Variants in TMEM268 observed in about 807,000 individuals in gnomAD.
TMEM268 encodes transmembrane protein 268.
A neutral mutation model predicts 39.1 loss-of-function variants in TMEM268; 24 were observed. The ratio of observed to expected loss-of-function variants is 0.61; its 90% CI spans 0.44 to 0.86. The LOEUF (loss-of-function observed/expected upper bound fraction) is 0.86, where lower values mean the gene tolerates loss of function less well. Among genes scored for constraint, TMEM268 ranks in the 40% least tolerant of loss-of-function variants. TMEM268 has a pLI of 0.00. For missense variants in TMEM268, 409 were observed against 428.6 expected (o/e 0.95, Z 0.40); for synonymous variants, 176 against 173.5 (o/e 1.01, Z -0.12).
intron 8 of TMEM268, among the ~76,000 whole-genome samples, chr9:114,639,829 T>TC (rs1311834859): frequency 6.7e-6 from 1 of 148,518 alleles, no homozygotes; most frequent in African/African-American, 2.5e-5. Context: ...AGTTGATCCT[T>TC]CCGCCTCAGC....
intron 5 of TMEM268, among the ~76,000 whole-genome samples, chr9:114,632,752 T>C (rs1438880455): frequency 2.6e-5 from 4 of 152,218 alleles, no homozygotes; most frequent in East Asian, 1.9e-4. Context: ...AAATATCTTA[T>C]GAACCTTGAC....
chr9:114,624,487 C>A, intron 3 of TMEM268, 28 bp downstream of exon 3: 1 of 1,551,896 alleles, frequency 6.4e-7, no homozygotes, highest in South Asian at 1.2e-5. Flanking sequence ...TGAATCCCTA[C>A]CATTTTCTCT....
Position 114,643,207 on chromosome 9 carries a change from A to G in TMEM268, c.923A>G (p.Gln308Arg), listed in dbSNP as rs755531107. The G allele has an allele frequency of 1.9e-6, 3 of 1,614,120 alleles. No individual in the cohort carries two copies. In the South Asian group the frequency reaches 3.3e-5, roughly 18 times the overall value. ...IRLLVTSQLP[Q>R]AMGTRHTNSP... ...CTTCTAGTGACCTCCCAGCTCCCTC[A>G]GGCAATGGGGACACGACACACGAAC... Residue 308 changes from glutamine to arginine, a missense_variant, in exon 9 of 9, where the codon CAG (glutamine) becomes CGG (arginine). Physicochemically the swap from Gln to Arg is conservative, Grantham distance 43 (BLOSUM62 1). Coordinates refer to ENST00000288502, the MANE Select transcript of TMEM268 (RefSeq NM_153045.4).
chr9:114,612,052 CT>C, intron 1 of TMEM268, among the ~76,000 whole-genome samples: 1 of 152,206 alleles, frequency 6.6e-6, no homozygotes. Context: ...AAATGGAGAG[CT>C]CGGACTCATT....
chr9:114,609,081 G>A (rs543108023), upstream of TMEM268, among the ~76,000 whole-genome samples: 8 of 152,264 alleles, frequency 5.3e-5, no homozygotes, highest in African/African-American at 1.2e-4. Context: ...AGGCCAAGGC[G>A]GGTGGATCAC....
rs1589361179 is a variant in TMEM268, at chr9:114,638,797, G to A, written c.849+71G>A. 2.4e-6 allele frequency: 3 copies of A among 1,229,572 alleles called. No individual in the cohort carries two copies. The East Asian group carries it at 8.6e-5, about 35-fold the overall frequency. 76.2% of individuals were successfully genotyped at this position (1,229,572 alleles called of 1,614,324 possible). A position where few individuals can be genotyped will look rare whatever the true frequency, so the allele number is the denominator to read the frequency against. ...TTTGCATAGAGAAAGCCTATGTGGG[G>A]GCTTCTTAGATTCCCCAAGACATGC... On this transcript the variant is annotated intron_variant, in intron 8 of 8. Transcript: ENST00000288502.
At chr9:114,624,515 CTATCTTTT>C in intron 3 of TMEM268, 56 bp downstream of exon 3, 1 of 1,540,152 alleles carries the variant, frequency 6.5e-7, no homozygotes, top group Non-Finnish European at 8.8e-7. Flanking sequence ...ATTCATCCCT[CTATCTTTT>C]CATCCAGTTT....
Position 114,611,359 on chromosome 9 carries a change from C to A in TMEM268, c.-284C>A, listed in dbSNP as rs1470025304. 6.6e-6 allele frequency: 1 copy of A among 152,050 alleles called. No homozygotes were observed. Among genetic ancestry groups the A allele is most frequent in the African/African-American group, 2.4e-5 (1 of 41,366 alleles). The allele number at this position is 152,050 out of a possible 1,614,324, so 9.4% of individuals were successfully genotyped here. ...GGCGCGTTCCCTCTTGGCCCCAAAG[C>A]GAGTCCGGCGGGCGGCTCCTCGGGG... On this transcript the variant is annotated 5_prime_UTR_variant, in exon 1 of 9. Coordinates refer to ENST00000288502, the MANE Select transcript of TMEM268 (RefSeq NM_153045.4).
rs755179247 is a variant in TMEM268, at chr9:114,636,999, G to T, written c.595G>T (p.Val199Phe). 1 of 1,613,144 alleles carries T rather than the reference G, an allele frequency of 6.2e-7. No individual in the cohort carries two copies. Among genetic ancestry groups the T allele is most frequent in the African/African-American group, 1.3e-5 (1 of 74,918 alleles). Residue 199 changes from valine (V) to phenylalanine (F), a missense_variant, in exon 7 of 9, where the codon GTC (valine) becomes TTC (phenylalanine). Coordinates refer to ENST00000288502, the MANE Select transcript of TMEM268 (RefSeq NM_153045.4). ...GCQSVIQLWF[V>F]YFDLENCVQF... ...CTGCTTCTCCCCACAGCTTTGGTTTGTCTACTTCGACCTGGAGAACTGTGT... is the reference window on the plus strand; with the variant it reads ...CTGCTTCTCCCCACAGCTTTGGTTTTTCTACTTCGACCTGGAGAACTGTGT...
At chr9:114,612,589 G>T (rs904384513) in intron 1 of TMEM268, among the ~76,000 whole-genome samples, 2 of 152,218 alleles carry the variant, frequency 1.3e-5, no homozygotes, top group Non-Finnish European at 2.9e-5. Context: ...TGAATGAGGG[G>T]CTGCAAGGTG....
At chr9:114,625,299 T>C (rs1846110904) in intron 3 of TMEM268, among the ~76,000 whole-genome samples, 2 of 152,180 alleles carry the variant, frequency 1.3e-5, no homozygotes, top group Admixed American at 1.3e-4. Context: ...CCTATATGTA[T>C]GGGTTTTACT....
rs184646475 is a variant in TMEM268, at chr9:114,615,818, C to A, written c.-78-1300C>A. Reference sequence around the variant, plus strand: ...GATTCTCCTGCCTCAGCCTCCCAAGCAGCTGGGATTACAGGTGCCCACCAC... The same window carrying A: ...GATTCTCCTGCCTCAGCCTCCCAAGAAGCTGGGATTACAGGTGCCCACCAC... On this transcript the variant is annotated intron_variant, in intron 1 of 8. Coordinates refer to ENST00000288502, the MANE Select transcript of TMEM268 (RefSeq NM_153045.4). Among the ~76,000 whole-genome samples the A allele has an allele frequency of 6.7e-3, 1,002 of 150,650 alleles. 15 individuals carry two copies. Among genetic ancestry groups the A allele is most frequent in the African/African-American group, 0.022 (915 of 41,030 alleles).
chr9:114,619,350 A>G (rs1034975622), intron 2 of TMEM268, among the ~76,000 whole-genome samples: 4 of 152,014 alleles, frequency 2.6e-5, no homozygotes, highest in Admixed American at 2.0e-4. Context: ...TGGTAGCTTT[A>G]CTTAGCCTAG....
chr9:114,625,807 TTTCAA>T (rs898863099), intron 3 of TMEM268, among the ~76,000 whole-genome samples: 35 of 151,670 alleles, frequency 2.3e-4, no homozygotes, highest in African/African-American at 8.2e-4. Context: ...ATATAATTTT[TTTCAA>T]TTCAATTCAA....
chr9:114,609,742 GGAAA>G (rs146077247), upstream of TMEM268, among the ~76,000 whole-genome samples: 7,168 of 123,348 alleles, frequency 0.058, 497 homozygotes, highest in South Asian at 0.14. Flanking sequence ...AAGGAAGGAA[GGAAA>G]GAAAGAAAGA....
intron 3 of TMEM268, among the ~76,000 whole-genome samples, chr9:114,626,191 A>G (rs892704229): frequency 1.3e-5 from 2 of 152,030 alleles, no homozygotes; most frequent in South Asian, 4.1e-4. Context: ...TTGAACTCCT[A>G]GGCTCAAGCA....
chr9:114,607,813 G>A (rs1296031840), upstream of TMEM268, among the ~76,000 whole-genome samples: 1 of 152,240 alleles, frequency 6.6e-6, no homozygotes, highest in Non-Finnish European at 1.5e-5. Flanking sequence ...TCGTCAGGTA[G>A]AACGATGGGG....
chr9:114,637,383 C>T (rs777409433), intron 7 of TMEM268, among the ~76,000 whole-genome samples: 79 of 149,066 alleles, frequency 5.3e-4, no homozygotes, highest in Non-Finnish European at 1.0e-3. Context: ...GCCTTCGCTT[C>T]GTGGGTTCAA....
Position 114,636,505 on chromosome 9 carries a change from C to CTTTTCTTTTCTTTTCTTTTCT in TMEM268, c.586-482_586-481insTCTTTTCTTTTCTTTTCTTTT, listed in dbSNP as rs5900104. ...TTAACTTTTTCTTTTCTTTTCTTTT[C>CTTTTCTTTTCTTTTCTTTTCT]TTTCTTTTCTTTTCAGACAGAGTCT... On this transcript the variant is annotated intron_variant, in intron 6 of 8. Coordinates refer to ENST00000288502, the MANE Select transcript of TMEM268 (RefSeq NM_153045.4). Among the ~76,000 whole-genome samples the CTTTTCTTTTCTTTTCTTTTCT allele has an allele frequency of 7.9e-3, 1,137 of 143,238 alleles. 35 individuals are homozygous for CTTTTCTTTTCTTTTCTTTTCT. The highest frequency in any genetic ancestry group is 0.053 in the South Asian group (230 of 4,308). The allele number at this position is 143,238 out of a possible 152,430, so 94.0% of individuals were successfully genotyped here. A position where few individuals can be genotyped will look rare whatever the true frequency, so the allele number is the denominator to read the frequency against.
Sources: allele counts gnomAD v4.1 joint callset (sites outside exome capture counted in the v4.1 genomes callset), GRCh38; gene constraint gnomAD v4.1.1; transcripts MANE v1.5; gene names NCBI Gene and HGNC (gene_info 2026-07-23, HGNC 2026-07-21).